CHD7: variants seen among roughly 807,000 people sequenced by gnomAD.
CHD7 encodes chromodomain helicase DNA binding protein 7.
CHD7 carries 24 observed loss-of-function variants against 307.3 expected under a neutral mutation model. The observed-to-expected ratio is 0.08, with a 90% CI of 0.06 to 0.11. The LOEUF (loss-of-function observed/expected upper bound fraction) is 0.11. CHD7 is among the 10% of genes least tolerant of loss of function. The pLI is 1.00. For synonymous variants in CHD7, 1,363 were observed against 1,349.9 expected, an observed-to-expected ratio of 1.01 and a Z score of -0.21; for missense variants, 3,106 against 3,727.1, an observed-to-expected ratio of 0.83 and a Z score of 4.34.
At chr8:60,817,391 G>A (rs2150740575) in intron 8 of CHD7, among the ~76,000 whole-genome samples, 1 of 152,318 alleles carries the variant, frequency 6.6e-6, no homozygotes, top group South Asian at 2.1e-4. Flanking sequence ...TGGGACAGAA[G>A]AGCACTTAGT....
chr8:60,739,096 GGTCACCA>G (rs1808860792), intron 1 of CHD7, among the ~76,000 whole-genome samples: 1 of 152,168 alleles, frequency 6.6e-6, no homozygotes, highest in African/African-American at 2.4e-5. Flanking sequence ...TGCAAGAGAA[GGTCACCA>G]GTGGGCTAAG....
At chr8:60,749,600 C>T (rs1384204887) in intron 2 of CHD7, among the ~76,000 whole-genome samples, 1 of 101,090 alleles carries the variant, frequency 9.9e-6, no homozygotes, top group Non-Finnish European at 2.6e-5. Context: ...AACAAAATGT[C>T]TCTAAAAAAA....
chr8:60,825,362 C>T (rs2150754852), intron 13 of CHD7: 1 of 152,266 alleles, frequency 6.6e-6, no homozygotes, highest in East Asian at 1.9e-4. Context: ...GTGGGATTTC[C>T]CATTTTTCTT....
chr8:60,735,543 T>C (rs575060004), intron 1 of CHD7, among the ~76,000 whole-genome samples: 87 of 152,300 alleles, frequency 5.7e-4, no homozygotes, highest in African/African-American at 2.1e-3. Flanking sequence ...CCTAACATAC[T>C]GAAAATTATT....
chr8:60,864,739 T>C, intron 37 of CHD7: 1 of 432,296 alleles, frequency 2.3e-6, no homozygotes, highest in Non-Finnish European at 4.2e-6. Context: ...ATAATGTACT[T>C]TCTGATGTAT....
intron 4 of CHD7, 70 bp downstream of exon 4, chr8:60,795,197 C>A: frequency 1.4e-6 from 2 of 1,411,526 alleles, no homozygotes; most frequent in African/African-American, 1.4e-5. Flanking sequence ...GTATGAAGTA[C>A]ACAAGACCTC....
At chr8:60,841,440 C>G (rs1804969554) in intron 19 of CHD7, among the ~76,000 whole-genome samples, 1 of 152,230 alleles carries the variant, frequency 6.6e-6, no homozygotes, top group Non-Finnish European at 1.5e-5. Flanking sequence ...ATTTATCACT[C>G]TGCAGTGTAA....
chr8:60,735,249 T>A (rs932371381), intron 1 of CHD7, among the ~76,000 whole-genome samples: 1 of 152,086 alleles, frequency 6.6e-6, no homozygotes, highest in Admixed American at 6.6e-5. Context: ...GTTGAAGAGG[T>A]GGATGGAGAT....
At chr8:60,858,914 GAC>G (rs1805840137) in intron 34 of CHD7, among the ~76,000 whole-genome samples, 1 of 152,168 alleles carries the variant, frequency 6.6e-6, no homozygotes, top group Admixed American at 6.5e-5. Flanking sequence ...TTTGGATCAC[GAC>G]ACAGCTTTGT....
At chr8:60,841,336 T>G (rs1804963855) in intron 19 of CHD7, among the ~76,000 whole-genome samples, 1 of 152,244 alleles carries the variant, frequency 6.6e-6, no homozygotes, top group Non-Finnish European at 1.5e-5. Context: ...GAAGAGACTT[T>G]TCTTTTCGGT....
At chr8:60,681,692 A>G (rs1178325559) in intron 1 of CHD7, among the ~76,000 whole-genome samples, 2 of 152,188 alleles carry the variant, frequency 1.3e-5, no homozygotes, top group Non-Finnish European at 2.9e-5. Context: ...AAAAGGACAT[A>G]ATGGATTTTT....
At position 60,842,171 on chromosome 8, in the gene CHD7, A is replaced by T; in HGVS notation, c.4850+119A>T. ...GTGTGACACCCCTTTGCACAGTCAA[A>T]TGAATGCTTCTGCAGTAACTTTACA... On this transcript the variant is annotated intron_variant, in intron 21 of 37. Transcript: ENST00000423902. The T allele has an allele frequency of 5.0e-6, 4 of 793,684 alleles. No individual in the cohort carries two copies. The South Asian group carries it at 7.5e-5, about 15-fold the overall frequency. 49.2% of individuals were successfully genotyped at this position (793,684 alleles called of 1,614,324 possible).
chr8:60,753,243 A>T (rs1003343998), intron 2 of CHD7, among the ~76,000 whole-genome samples: 1 of 152,228 alleles, frequency 6.6e-6, no homozygotes, highest in Non-Finnish European at 1.5e-5. Flanking sequence ...ATATTTATCC[A>T]GACAGTGGAA....
intron 2 of CHD7, among the ~76,000 whole-genome samples, chr8:60,757,992 A>G (rs552110689): frequency 6.6e-6 from 1 of 152,324 alleles, no homozygotes; most frequent in African/African-American, 2.4e-5. Flanking sequence ...TGAGAACCCC[A>G]AAGAGCTTTT....
chr8:60,760,934 C>T (rs1419419161), intron 2 of CHD7, among the ~76,000 whole-genome samples: 1 of 152,176 alleles, frequency 6.6e-6, no homozygotes, highest in Admixed American at 6.5e-5. Flanking sequence ...GTCAGTGTGG[C>T]GATTCCTCAG....
intron 1 of CHD7, among the ~76,000 whole-genome samples, chr8:60,735,518 T>C (rs1808658736): frequency 6.6e-6 from 1 of 152,142 alleles, no homozygotes; most frequent in South Asian, 2.1e-4. Context: ...GAATTGTGTA[T>C]AGTTGAGAAT....
chr8:60,749,624 C>T (rs978547711), intron 2 of CHD7, among the ~76,000 whole-genome samples: 2 of 152,020 alleles, frequency 1.3e-5, no homozygotes, highest in Non-Finnish European at 2.9e-5. Context: ...CAGCTTTTAC[C>T]TAAGTGGTAT....
At chr8:60,706,388 C>T (rs1343482989) in intron 1 of CHD7, among the ~76,000 whole-genome samples, 3 of 151,966 alleles carry the variant, frequency 2.0e-5, no homozygotes, top group Non-Finnish European at 4.4e-5. Context: ...TTTATGATAC[C>T]ATGAAATATT....
At position 60,851,317 on chromosome 8, in the gene CHD7, C is replaced by G. The variant is rs1000527974; in HGVS notation, c.5663C>G (p.Thr1888Arg). Residue 1888 changes from threonine to arginine, a missense_variant and splice_region_variant, in exon 28 of 38, where the codon ACA (threonine) becomes AGA (arginine). Coordinates refer to ENST00000423902, the MANE Select transcript of CHD7 (RefSeq NM_017780.4). ...DKEESMEIHATGKHSESNAEL... is the reference protein window; with the variant it reads ...DKEESMEIHARGKHSESNAEL... ...GAAGAATCCATGGAAATACATGCCACAGGTAAGGTCCCAGAAAAGCTTGTG... is the reference window on the plus strand; with the variant it reads ...GAAGAATCCATGGAAATACATGCCAGAGGTAAGGTCCCAGAAAAGCTTGTG... 3 of 1,558,050 alleles carry G rather than the reference C, an allele frequency of 1.9e-6. No individual in the cohort carries two copies. The African/African-American group carries it at 4.1e-5, about 21-fold the overall frequency.
Sources: gnomAD v4.1 joint callset for allele counts (sites outside exome capture counted in the v4.1 genomes callset) on GRCh38, gnomAD v4.1.1 for gene constraint, MANE v1.5 for transcripts, NCBI Gene and HGNC (gene_info 2026-07-23, HGNC 2026-07-21) for gene names.